CDYL2: variants seen among roughly 807,000 people sequenced by gnomAD.
CDYL2 encodes the protein chromodomain Y like 2, also known as chromodomain Y-like protein 2.
A neutral mutation model predicts 49.4 loss-of-function variants in CDYL2; 23 were observed. The ratio of observed to expected loss-of-function variants is 0.47; its 90% CI spans 0.34 to 0.66. The LOEUF (loss-of-function observed/expected upper bound fraction) is 0.66. Among genes scored for constraint, CDYL2 ranks in the 30% least tolerant of loss-of-function variants. The pLI is 0.01. For synonymous variants in CDYL2, 360 were observed against 268.8 expected, an observed-to-expected ratio of 1.34 and a Z score of -3.32; for missense variants, 678 against 656.4, an observed-to-expected ratio of 1.03 and a Z score of -0.36.
chr16:80,767,826 G>A (rs551589082), intron 1 of CDYL2, among the ~76,000 whole-genome samples: 5 of 152,298 alleles, frequency 3.3e-5, no homozygotes, highest in Non-Finnish European at 7.4e-5. Context: ...TAAAAAGTAC[G>A]AAAAGGAGCT....
chr16:80,728,259 G>T (rs1415831806), intron 1 of CDYL2, among the ~76,000 whole-genome samples: 1 of 152,094 alleles, frequency 6.6e-6, no homozygotes, highest in Non-Finnish European at 1.5e-5. Context: ...TAAAGGAGCT[G>T]ATGGAGCTGA....
chr16:80,627,402 G>GAAAAAAT (rs1907352825), intron 3 of CDYL2: 1 of 151,888 alleles, frequency 6.6e-6, no homozygotes, highest in Non-Finnish European at 1.5e-5. Context: ...AATTCGTTAA[G>GAAAAAAT]AAAAAATAAA....
chr16:80,743,518 G>C (rs1905821682), intron 1 of CDYL2, among the ~76,000 whole-genome samples: 1 of 152,128 alleles, frequency 6.6e-6, no homozygotes, highest in South Asian at 2.1e-4. Context: ...GGTCAGGAGA[G>C]ATGTTTCTTA....
At position 80,624,424 on chromosome 16, in the gene CDYL2, T is replaced by C. The variant is rs149929212; in HGVS notation, c.835-3489A>G. 2.3e-4 allele frequency among the ~76,000 whole-genome samples: 35 copies of C among 152,138 alleles called. No homozygotes were observed. The East Asian group carries it at 2.9e-3, about 13-fold the overall frequency. The stretch of plus-strand genomic sequence containing the variant: ...CCCACATGGGGAAGAATCCACAAGA[T>C]AAAAAAATTAACACAGAAATTGGAC... On this transcript the variant is annotated intron_variant, in intron 3 of 6. Coordinates refer to ENST00000570137, the MANE Select transcript of CDYL2 (RefSeq NM_152342.4).
chr16:80,720,189 C>A (rs75770909), intron 1 of CDYL2, among the ~76,000 whole-genome samples: 1 of 152,136 alleles, frequency 6.6e-6, no homozygotes, highest in Admixed American at 6.5e-5. Flanking sequence ...GGAACACTTG[C>A]TCAGAGGGCC....
intron 1 of CDYL2, among the ~76,000 whole-genome samples, chr16:80,710,196 G>C (rs1050457177): frequency 2.0e-5 from 3 of 152,032 alleles, no homozygotes; most frequent in African/African-American, 7.3e-5. Flanking sequence ...CAAAGCACTG[G>C]GATTACAGGT....
intron 2 of CDYL2, among the ~76,000 whole-genome samples, chr16:80,651,457 T>A (rs2142420091): frequency 6.6e-6 from 1 of 152,248 alleles, no homozygotes; most frequent in African/African-American, 2.4e-5. Flanking sequence ...GAAGGTCAAA[T>A]AGGTGAGGCA....
intron 2 of CDYL2, among the ~76,000 whole-genome samples, chr16:80,637,207 T>C (rs1464253555): frequency 7.6e-6 from 1 of 131,404 alleles, no homozygotes; most frequent in Non-Finnish European, 1.6e-5. Flanking sequence ...ATCTTTTAGT[T>C]CCTAAAAAGC....
chr16:80,732,449 C>T (rs1458608318), intron 1 of CDYL2, among the ~76,000 whole-genome samples: 1 of 151,790 alleles, frequency 6.6e-6, no homozygotes, highest in African/African-American at 2.4e-5. Flanking sequence ...ACACAGTGTC[C>T]CAAACAAGAA....
chr16:80,773,280 T>C (rs1032483014), intron 1 of CDYL2, among the ~76,000 whole-genome samples: 6 of 152,178 alleles, frequency 3.9e-5, no homozygotes, highest in African/African-American at 9.6e-5. Flanking sequence ...ATGCACTTAA[T>C]ATCATAAAAT....
At chr16:80,679,456 G>A (rs1477734449) in intron 2 of CDYL2, among the ~76,000 whole-genome samples, 1 of 152,020 alleles carries the variant, frequency 6.6e-6, no homozygotes, top group Non-Finnish European at 1.5e-5. Context: ...AGTTAAATTT[G>A]CAGTCAAATT....
chr16:80,606,167 A>C (rs1049230652), intron 6 of CDYL2, among the ~76,000 whole-genome samples: 2 of 152,228 alleles, frequency 1.3e-5, no homozygotes, highest in Admixed American at 6.5e-5. Flanking sequence ...TAGAGGCTGC[A>C]GGTGGTGGGA....
chr16:80,793,121 C>T (rs1049308653), intron 1 of CDYL2, among the ~76,000 whole-genome samples: 4 of 152,220 alleles, frequency 2.6e-5, no homozygotes, highest in Admixed American at 6.5e-5. Context: ...ATTCCAGAGT[C>T]CTTCTCCAAG....
In CDYL2 at chr16:80,740,040, C is replaced by T. The variant is rs1905681274; in HGVS notation, c.25-54911G>A. ...GGGTGGTGGGTGCCAGAGGAGGGGACGGGTGCAGAGAGAAATTACAGAAGA... is the reference window on the plus strand; with the variant it reads ...GGGTGGTGGGTGCCAGAGGAGGGGATGGGTGCAGAGAGAAATTACAGAAGA... On this transcript the variant is annotated intron_variant, in intron 1 of 6. Coordinates refer to ENST00000570137, the MANE Select transcript of CDYL2 (RefSeq NM_152342.4). Among the ~76,000 whole-genome samples, 3 of 152,196 alleles carry T rather than the reference C, an allele frequency of 2.0e-5. No individual in the cohort carries two copies. In the South Asian group the frequency reaches 6.2e-4, roughly 32 times the overall value.
intron 3 of CDYL2, among the ~76,000 whole-genome samples, chr16:80,624,723 T>C (rs547362961): frequency 2.0e-5 from 3 of 151,762 alleles, no homozygotes; most frequent in East Asian, 3.9e-4. Context: ...AAAACAGACA[T>C]GAACAATAAG....
At chr16:80,727,249 C>G (rs986852656) in intron 1 of CDYL2, among the ~76,000 whole-genome samples, 1 of 152,206 alleles carries the variant, frequency 6.6e-6, no homozygotes, top group African/African-American at 2.4e-5. Context: ...CGCACCGTGC[C>G]CGAGCCAAAG....
chr16:80,652,032 C>T (rs1013698734), intron 2 of CDYL2, among the ~76,000 whole-genome samples: 2 of 152,080 alleles, frequency 1.3e-5, no homozygotes, highest in African/African-American at 4.8e-5. Flanking sequence ...TGGCTGCATA[C>T]AGAAATATCT....
intron 1 of CDYL2, among the ~76,000 whole-genome samples, chr16:80,769,536 C>T (rs1203111243): frequency 1.3e-5 from 2 of 152,202 alleles, no homozygotes; most frequent in East Asian, 3.9e-4. Context: ...ACCCTGCACT[C>T]ACTGATATTA....
At chr16:80,778,632 G>C (rs996386488) in intron 1 of CDYL2, among the ~76,000 whole-genome samples, 1 of 152,028 alleles carries the variant, frequency 6.6e-6, no homozygotes, top group African/African-American at 2.4e-5. Flanking sequence ...CAGTATCACA[G>C]AGGTATCAAC....
Sources: allele counts gnomAD v4.1 joint callset (sites outside exome capture counted in the v4.1 genomes callset), GRCh38; gene constraint gnomAD v4.1.1; transcripts MANE v1.5; gene names NCBI Gene and HGNC (gene_info 2026-07-23, HGNC 2026-07-21).